ZNF320: variants seen among roughly 807,000 people sequenced by gnomAD.
The protein encoded by ZNF320 is zinc finger gene 320.
Under a neutral mutation model 6.8 loss-of-function variants are expected in ZNF320, and 2 were observed. That is an observed-to-expected ratio of 0.29 (90% CI 0.12 to 0.93). The LOEUF (loss-of-function observed/expected upper bound fraction) is 0.93. Ranked by LOEUF, ZNF320 falls within the 40% of genes least tolerant of loss-of-function variation. The probability of loss-of-function intolerance (pLI) is 0.55; values close to 1 mark genes in which losing one functional copy is unlikely to be tolerated. For synonymous variants in ZNF320, 208 were observed against 203.2 expected, an observed-to-expected ratio of 1.02 and a Z score of -0.20; for missense variants, 472 against 611.0, an observed-to-expected ratio of 0.77 and a Z score of 2.40.
Position 52,880,435 on chromosome 19 carries a change from A to G in ZNF320, c.*161T>C. The G allele has an allele frequency of 1.6e-6, 1 of 631,790 alleles. No homozygotes were observed. Among genetic ancestry groups the G allele is most frequent in the Non-Finnish European group, 2.6e-6 (1 of 386,794 alleles). The allele number at this position is 631,790 out of a possible 1,614,324, so 39.1% of individuals were successfully genotyped here. On this transcript the variant is annotated 3_prime_UTR_variant, in exon 6 of 6. Coordinates refer to ENST00000682928, the MANE Select transcript of ZNF320 (RefSeq NM_001351774.2). ...AGGCTGGTCTCAAATTCATGACCTC[A>G]AGTGACCTACCTGTCTTGGCCTCTC...
At chr19:52,864,552 A>T (rs943391890) in intron 5 of ZNF320, among the ~76,000 whole-genome samples, 1 of 152,120 alleles carries the variant, frequency 6.6e-6, no homozygotes, top group Non-Finnish European at 1.5e-5. Flanking sequence ...TAATCCCAGC[A>T]CGTTGAGAAG....
intron 5 of ZNF320, among the ~76,000 whole-genome samples, chr19:52,864,576 A>G (rs1356050932): frequency 6.6e-6 from 1 of 152,118 alleles, no homozygotes; most frequent in African/African-American, 2.4e-5. Flanking sequence ...AGGGAGGCAG[A>G]TCACAAGGTC....
intron 5 of ZNF320, among the ~76,000 whole-genome samples, chr19:52,882,858 T>C (rs1056053556): frequency 6.6e-6 from 1 of 151,876 alleles, no homozygotes; most frequent in African/African-American, 2.4e-5. Context: ...GGAAAATCAC[T>C]TGAACTCGGG....
chr19:52,872,597 G>C (rs928052675), downstream of ZNF320, among the ~76,000 whole-genome samples: 1 of 152,150 alleles, frequency 6.6e-6, no homozygotes, highest in African/African-American at 2.4e-5. Context: ...CGCCTCCCGG[G>C]TTCATGCCAT....
At chr19:52,889,532 T>C (rs1392307708) in intron 4 of ZNF320, among the ~76,000 whole-genome samples, 1 of 152,186 alleles carries the variant, frequency 6.6e-6, no homozygotes, top group Non-Finnish European at 1.5e-5. Flanking sequence ...ACCGCTGCCA[T>C]ATTTGAGAAA....
At chr19:52,899,883 G>C (rs565905063), upstream of ZNF320, among the ~76,000 whole-genome samples, 6 of 152,282 alleles carry the variant, frequency 3.9e-5, no homozygotes, top group African/African-American at 1.4e-4. Flanking sequence ...ATGTAGATGG[G>C]GGTTCGATAA....
intron 5 of ZNF320, among the ~76,000 whole-genome samples, chr19:52,871,147 A>AAAAT (rs1228425632): frequency 1.3e-5 from 2 of 152,144 alleles, no homozygotes; most frequent in Non-Finnish European, 2.9e-5. Flanking sequence ...ACTCCATCTC[A>AAAAT]AAATAAATAA....
chr19:52,885,728 T>A (rs1037402559), intron 5 of ZNF320, among the ~76,000 whole-genome samples: 58 of 149,766 alleles, frequency 3.9e-4, no homozygotes, highest in African/African-American at 7.4e-4. Flanking sequence ...AAAAAATAAA[T>A]AAATAAATAA....
chr19:52,890,598 G>T (rs1445514666), intron 3 of ZNF320, among the ~76,000 whole-genome samples: 1 of 152,232 alleles, frequency 6.6e-6, no homozygotes, highest in Non-Finnish European at 1.5e-5. Context: ...GAGGCTGGGT[G>T]TGGTGGCTCA....
At chr19:52,883,046 A>G (rs1468579379) in intron 5 of ZNF320, among the ~76,000 whole-genome samples, 1 of 151,826 alleles carries the variant, frequency 6.6e-6, no homozygotes, top group Non-Finnish European at 1.5e-5. Flanking sequence ...AAAATTTTGT[A>G]TTTTTATTTT....
At chr19:52,861,304 A>G (rs983364288) in exon 6 of ZNF320, among the ~76,000 whole-genome samples, 1 of 152,218 alleles carries the variant, frequency 6.6e-6, no homozygotes, top group Non-Finnish European at 1.5e-5. Flanking sequence ...ATAAATGTAA[A>G]GAGGTGAGAC....
the ZNF320 span, among the ~76,000 whole-genome samples, chr19:52,903,749 TACTC>T: frequency 1.3e-5 from 2 of 151,738 alleles, no homozygotes; most frequent in Non-Finnish European, 2.9e-5. Context: ...ACACCACACA[TACTC>T]ACCACAAGAA....
downstream of ZNF320, among the ~76,000 whole-genome samples, chr19:52,875,885 T>A (rs1284479465): frequency 6.6e-6 from 1 of 152,248 alleles, no homozygotes; most frequent in East Asian, 1.9e-4. Context: ...AAACATGTAA[T>A]TATTTTCCCA....
At chr19:52,885,321 C>CTA (rs2064041459) in intron 5 of ZNF320, among the ~76,000 whole-genome samples, 1 of 152,234 alleles carries the variant, frequency 6.6e-6, no homozygotes, top group Non-Finnish European at 1.5e-5. Flanking sequence ...TGGTTCATGC[C>CTA]TATAATCCCA....
intron 3 of ZNF320, among the ~76,000 whole-genome samples, chr19:52,890,832 T>C (rs2064265501): frequency 6.6e-6 from 1 of 151,328 alleles, no homozygotes. Flanking sequence ...CTGGCCAACA[T>C]GGTGAAACCC....
downstream of ZNF320, among the ~76,000 whole-genome samples, chr19:52,872,657 G>A (rs188551860): frequency 4.2e-4 from 64 of 152,112 alleles, no homozygotes; most frequent in African/African-American, 8.4e-4. Context: ...GCCCACCACC[G>A]GGCCCGGCTA....
intron 5 of ZNF320, among the ~76,000 whole-genome samples, chr19:52,868,274 C>A (rs115992416): frequency 2.0e-5 from 3 of 152,002 alleles, no homozygotes; most frequent in Non-Finnish European, 4.4e-5. Flanking sequence ...TGGAAGACCG[C>A]GGTGGGTGGA....
rs184413097 is a variant in ZNF320 at position 52,861,998 on chromosome 19, C to T, written c.*2031G>A. The stretch of plus-strand genomic sequence containing the variant: ...GCTTGACTGAAGACCTTGCCTCAAT[C>T]ATGACATTTGTAAGGTTTCTCTCCA... On this transcript the variant is annotated 3_prime_UTR_variant, in exon 6 of 6. Transcript: ENST00000673631. 1.9e-5 allele frequency: 7 copies of T among 375,344 alleles called. No homozygotes were observed. The Admixed American group carries it at 2.5e-4, about 13-fold the overall frequency. The allele number at this position is 375,344 out of a possible 1,614,324, so 23.3% of individuals were successfully genotyped here.
chr19:52,875,311 C>G (rs921660779), downstream of ZNF320, among the ~76,000 whole-genome samples: 9 of 152,214 alleles, frequency 5.9e-5, no homozygotes, highest in Middle Eastern at 3.4e-3. Flanking sequence ...CAGCAGAGAG[C>G]TGAGGAGACA....
Sources: allele counts gnomAD v4.1 joint callset (sites outside exome capture counted in the v4.1 genomes callset), GRCh38; gene constraint gnomAD v4.1.1; transcripts MANE v1.5; gene names NCBI Gene and HGNC (gene_info 2026-07-23, HGNC 2026-07-21).